The following MYO18A variants were observed in gnomAD, a reference collection of about 807,000 sequenced individuals.
The protein encoded by MYO18A is unconventional myosin-XVIIIa.
MYO18A carries 78 observed loss-of-function variants against 235.8 expected under a neutral mutation model. The ratio of observed to expected loss-of-function variants is 0.33; its 90% CI spans 0.28 to 0.40. The LOEUF (loss-of-function observed/expected upper bound fraction) is 0.40, where lower values mean the gene tolerates loss of function less well. Among genes scored for constraint, MYO18A ranks in the 10% least tolerant of loss-of-function variants. The pLI is 1.00. For synonymous variants in MYO18A, 977 were observed against 1,077.8 expected (o/e 0.91, Z 1.83); for missense variants, 2,215 against 2,699.3 (o/e 0.82, Z 3.98).
At chr17:29,142,087 G>A (rs1008240337) in intron 2 of MYO18A, among the ~76,000 whole-genome samples, 12 of 152,250 alleles carry the variant, frequency 7.9e-5, no homozygotes, top group African/African-American at 2.9e-4. Flanking sequence ...TGGGACTACA[G>A]GCGCCTGCCA....
chr17:29,097,713 G>A (rs1037353986), intron 26 of MYO18A, 75 bp downstream of exon 26: 3 of 1,309,084 alleles, frequency 2.3e-6, no homozygotes, highest in South Asian at 1.3e-5. Flanking sequence ...CTGGACAAGG[G>A]GCATGACTAC....
chr17:29,141,740 G>A (rs1460296801), intron 2 of MYO18A, among the ~76,000 whole-genome samples: 1 of 152,234 alleles, frequency 6.6e-6, no homozygotes, highest in African/African-American at 2.4e-5. Flanking sequence ...CCCCCCAGGG[G>A]AAGCATCTGG....
intron 1 of MYO18A, among the ~76,000 whole-genome samples, chr17:29,174,058 C>T (rs893126489): frequency 6.6e-6 from 1 of 152,212 alleles, no homozygotes; most frequent in African/African-American, 2.4e-5. Context: ...ACAGGCACCA[C>T]CACTGCACCT....
chr17:29,104,181 T>A (rs530675935), intron 20 of MYO18A, among the ~76,000 whole-genome samples: 2 of 152,176 alleles, frequency 1.3e-5, no homozygotes, highest in East Asian at 3.9e-4. Context: ...AGGGTTCTCT[T>A]AGGGATGGGC....
Position 29,086,366 on chromosome 17 carries a change from GGTC to G in MYO18A, c.5852+69_5852+71del, listed in dbSNP as rs2066253903. 7.9e-6 allele frequency: 12 copies of G among 1,520,704 alleles called. No individual in the cohort carries two copies. The Admixed American group carries it at 2.2e-4, about 28-fold the overall frequency. 94.2% of individuals were successfully genotyped at this position (1,520,704 alleles called of 1,614,324 possible). A position where few individuals can be genotyped will look rare whatever the true frequency, so the allele number is the denominator to read the frequency against. On this transcript the variant is annotated intron_variant, in intron 39 of 41. Coordinates refer to ENST00000527372, the MANE Select transcript of MYO18A (RefSeq NM_078471.4). Reference sequence around the variant, plus strand: ...GGCAGAGGTTGCAACTGTTCTACCTGGTCGTCTGGTTCCAGAGGTGGTCAAGAG... The same window carrying G: ...GGCAGAGGTTGCAACTGTTCTACCTGGTCTGGTTCCAGAGGTGGTCAAGAG...
Position 29,180,387 on chromosome 17 carries a change from G to A in MYO18A, c.-156C>T, listed in dbSNP as rs1359416777. On this transcript the variant is annotated 5_prime_UTR_variant, in exon 1 of 42. Coordinates refer to ENST00000527372, the MANE Select transcript of MYO18A (RefSeq NM_078471.4). This position sits in a 1 kb window ranked among gnomAD's most constrained non-coding sequence, Gnocchi z 6.1. The stretch of plus-strand genomic sequence containing the variant: ...CAGCAGCCTCGGCCCGGTCAGGGAT[G>A]GAGCAGAGCGCAGCGCGGCGCAGCT... 1.3e-5 allele frequency: 2 copies of A among 152,040 alleles called. No individual in the cohort carries two copies. The highest frequency in any genetic ancestry group is 4.8e-5 in the African/African-American group (2 of 41,428). 9.4% of individuals were successfully genotyped at this position (152,040 alleles called of 1,614,324 possible). A position where few individuals can be genotyped will look rare whatever the true frequency, so the allele number is the denominator to read the frequency against.
intron 2 of MYO18A, among the ~76,000 whole-genome samples, chr17:29,122,965 G>A (rs1164789108): frequency 2.0e-5 from 3 of 152,228 alleles, no homozygotes; most frequent in African/African-American, 4.8e-5. Context: ...CCATACAAAG[G>A]CACGAGGCAG....
intron 10 of MYO18A, among the ~76,000 whole-genome samples, chr17:29,116,676 G>A (rs2067073831): frequency 9.1e-6 from 1 of 109,564 alleles, no homozygotes; most frequent in Non-Finnish European, 1.7e-5. Context: ...CACACAGAAA[G>A]AGACCCGCAA....
chr17:29,152,650 G>A (rs112334199), intron 2 of MYO18A, among the ~76,000 whole-genome samples: 180 of 152,224 alleles, frequency 1.2e-3, no homozygotes, highest in African/African-American at 3.9e-3. Flanking sequence ...ACATTCCTGC[G>A]GGTACCAAGC....
At chr17:29,097,977 A>G (rs1568058612) in intron 25 of MYO18A, 78 bp from the exon 26 acceptor site, 10 of 1,572,648 alleles carry the variant, frequency 6.4e-6, no homozygotes, top group East Asian at 4.5e-5. Flanking sequence ...CCATGATCAC[A>G]TGCTTACCAA....
intron 2 of MYO18A, among the ~76,000 whole-genome samples, chr17:29,136,250 A>AAATATAT (rs1483354837): frequency 3.9e-4 from 32 of 82,452 alleles, no homozygotes; most frequent in African/African-American, 1.3e-3. Flanking sequence ...AAAAAAAAAA[A>AAATATAT]ATATATATAT....
Position 29,090,635 on chromosome 17 carries a change from AT to A in MYO18A, c.5305-21del. On this transcript the variant is annotated intron_variant, in intron 35 of 41. Transcript: ENST00000527372. ...GGAAGCCTGGGAAAGGAATGAGAGC[AT>A]CAGAAGCAGGATCCCCCATAAGCAT... 6.3e-7 allele frequency: 1 copy of A among 1,592,616 alleles called. No homozygotes were observed. The highest frequency in any genetic ancestry group is 8.6e-7 in the Non-Finnish European group (1 of 1,168,550).
In MYO18A at chr17:29,166,982, A is replaced by C; in HGVS notation, c.-42T>G. The C allele has an allele frequency of 6.7e-7, 1 of 1,489,340 alleles. No individual in the cohort carries two copies. Among genetic ancestry groups the C allele is most frequent in the Non-Finnish European group, 9.0e-7 (1 of 1,115,306 alleles). The allele number at this position is 1,489,340 out of a possible 1,614,324, so 92.3% of individuals were successfully genotyped here. A position where few individuals can be genotyped will look rare whatever the true frequency, so the allele number is the denominator to read the frequency against. ...GTAGGGGTAGCACCCCCAGAGGATT[A>C]TGAGTGCTTAGCACAGGGCCTTGGT... On this transcript the variant is annotated 5_prime_UTR_variant, in exon 2 of 42. It removes the in-frame stop codon of an upstream open reading frame in the 5' UTR. Coordinates refer to ENST00000527372, the MANE Select transcript of MYO18A (RefSeq NM_078471.4).
chr17:29,180,061 G>A lies in MYO18A; in HGVS notation c.-82+252C>T, dbSNP rs1028297113. Among the ~76,000 whole-genome samples the A allele has an allele frequency of 6.6e-6, 1 of 151,552 alleles. No individual in the cohort carries two copies. Among genetic ancestry groups the A allele is most frequent in the African/African-American group, 2.4e-5 (1 of 41,328 alleles). ...CCTGCCTCCCTGCGCCCCCCAGGTT[G>A]GCTGGAAGGGCCGGTGGTTCCCCCT... On this transcript the variant is annotated intron_variant, in intron 1 of 41. Transcript: ENST00000527372. The surrounding 1 kb of genome is among the most constrained non-coding windows in gnomAD (Gnocchi z 6.1).
Position 29,080,737 on chromosome 17 carries a change from C to G in MYO18A, c.6020+1579G>C, listed in dbSNP as rs188941138. Reference sequence around the variant, plus strand: ...CCGCTTCTGCGGCCCCCGGCCAGCGCGCCCCCCGGTCCCCGAGCGGACGGA... The same window carrying G: ...CCGCTTCTGCGGCCCCCGGCCAGCGGGCCCCCCGGTCCCCGAGCGGACGGA... On this transcript the variant is annotated intron_variant, in intron 41 of 41. Transcript: ENST00000527372. 4.2e-3 allele frequency: 4,120 copies of G among 985,588 alleles called. 10 individuals are homozygous for G. Among genetic ancestry groups the G allele is most frequent in the Admixed American group, 7.2e-3 (117 of 16,298 alleles). The allele number at this position is 985,588 out of a possible 1,614,324, so 61.1% of individuals were successfully genotyped here.
In MYO18A at chr17:29,118,455, A is replaced by G. The variant is rs2152848041; in HGVS notation, c.1830-15T>C. ...GGAGCTCTGTCCTAGGGGTACAAAT[A>G]AGGCATCAGCACGGCACTTGGTCCC... is the stretch of plus-strand genomic sequence containing the variant. On this transcript the variant is annotated splice_polypyrimidine_tract_variant and intron_variant, in intron 8 of 41. Transcript: ENST00000527372. This position sits in a 1 kb window ranked among gnomAD's most constrained non-coding sequence, Gnocchi z 4.2. The G allele has an allele frequency of 1.9e-6, 3 of 1,592,644 alleles. No homozygotes were observed. The highest frequency in any genetic ancestry group is 1.7e-6 in the Non-Finnish European group (2 of 1,163,318).
Position 29,095,053 on chromosome 17 carries a change from G to A in MYO18A, c.4392C>T (p.Asp1464=), listed in dbSNP as rs2066488285. The A allele has an allele frequency of 1.0e-5, 16 of 1,543,688 alleles. 1 individual carries two copies. The South Asian group carries it at 1.9e-4, about 19-fold the overall frequency. ...CCTCATGCGCCTGCGAGAGCTCACT[G>A]TCAAACCTGCGAGGGAGTGTGGCGG... ...HELEKKQRRF[D]SELSQAHEEA... is the part of the protein sequence containing the mutation. The change falls in exon 29 of 42, where the codon GAC becomes GAT. Residue 1464 remains aspartate (D), a synonymous_variant. Coordinates refer to ENST00000527372, the MANE Select transcript of MYO18A (RefSeq NM_078471.4).
intron 13 of MYO18A, 111 bp from the exon 14 acceptor site, chr17:29,115,210 G>A: frequency 7.0e-7 from 1 of 1,427,510 alleles, no homozygotes; most frequent in Non-Finnish European, 9.5e-7. Flanking sequence ...GGTGGGGAGG[G>A]CATGCTGGCC....
intron 14 of MYO18A, 113 bp from the exon 15 acceptor site, chr17:29,114,210 C>T (rs984611630): frequency 8.4e-6 from 6 of 717,996 alleles, no homozygotes; most frequent in African/African-American, 7.1e-5. Context: ...CCTTCTGTGC[C>T]GTGCAGGAGC....
Sources: gnomAD v4.1 joint callset for allele counts (sites outside exome capture counted in the v4.1 genomes callset) on GRCh38, gnomAD v4.1.1 for gene constraint, Gnocchi (gnomAD v3.1) non-coding constraint, MANE v1.5 for transcripts, NCBI Gene and HGNC (gene_info 2026-07-23, HGNC 2026-07-21) for gene names.